Variants in GLI3 observed in about 807,000 individuals in gnomAD.
GLI3 encodes transcription activator GLI3.
Under a neutral mutation model 100.8 loss-of-function variants are expected in GLI3, and 20 were observed. That is an observed-to-expected ratio of 0.20 (90% confidence interval 0.14 to 0.29). The LOEUF is 0.29. GLI3 is among the 10% of genes least tolerant of loss of function. The pLI is 1.00. For synonymous variants in GLI3, 938 were observed against 860.5 expected (o/e 1.09, Z -1.58); for missense variants, 2,040 against 2,128.5 (o/e 0.96, Z 0.82).
intron 10 of GLI3, among the ~76,000 whole-genome samples, chr7:41,983,907 T>G (rs1008766580): frequency 6.6e-6 from 1 of 152,122 alleles, no homozygotes; most frequent in Non-Finnish European, 1.5e-5. Context: ...CATGAGCCCA[T>G]AGCAAACCAA....
chr7:42,007,316 T>C (rs890770182), intron 10 of GLI3, among the ~76,000 whole-genome samples: 1 of 151,746 alleles, frequency 6.6e-6, no homozygotes, highest in African/African-American at 2.4e-5. Context: ...TCAGCCAAGT[T>C]AAAAGTTCTT....
chr7:41,968,705 GAAAGAAAGAAGAAAGAAAGA>G (rs1562661674), intron 13 of GLI3, among the ~76,000 whole-genome samples: 6 of 106,210 alleles, frequency 5.6e-5, no homozygotes, highest in African/African-American at 4.2e-5. Flanking sequence ...AAGAAAGAAA[GAAAGAAAGAAGAAAGAAAGA>G]AAGAAAGAAA....
intron 12 of GLI3, among the ~76,000 whole-genome samples, chr7:41,976,682 A>G (rs138967985): frequency 7.2e-5 from 11 of 152,254 alleles, no homozygotes; most frequent in African/African-American, 2.6e-4. Context: ...GTGCTGAACT[A>G]TGTCTCATGT....
At chr7:42,257,409 G>A (rs1000442318) in intron 1 of GLI3, among the ~76,000 whole-genome samples, 3 of 147,500 alleles carry the variant, frequency 2.0e-5, no homozygotes, top group Non-Finnish European at 4.5e-5. Context: ...AGGCTGGAGT[G>A]CAGTGGCTCA....
intron 2 of GLI3, among the ~76,000 whole-genome samples, chr7:42,159,826 A>G (rs546369243): frequency 1.3e-5 from 2 of 152,364 alleles, no homozygotes; most frequent in East Asian, 3.9e-4. Flanking sequence ...TTTTGAAAGC[A>G]AAAATTCTCA....
intron 7 of GLI3, among the ~76,000 whole-genome samples, chr7:42,031,956 A>G (rs1191193610): frequency 2.0e-5 from 3 of 152,342 alleles, no homozygotes; most frequent in East Asian, 3.9e-4. Context: ...GAAATCAGAC[A>G]TATAAAGTTT....
At chr7:42,168,384 G>A (rs1787286661) in intron 2 of GLI3, among the ~76,000 whole-genome samples, 1 of 152,080 alleles carries the variant, frequency 6.6e-6, no homozygotes, top group Non-Finnish European at 1.5e-5. Flanking sequence ...AACACCAGGG[G>A]CACCAAAAAA....
intron 6 of GLI3, among the ~76,000 whole-genome samples, chr7:42,042,503 A>G (rs528179924): frequency 6.6e-6 from 1 of 152,326 alleles, no homozygotes; most frequent in East Asian, 1.9e-4. Flanking sequence ...AATCCTGGAC[A>G]ATAATTGCCC....
intron 3 of GLI3, 117 bp downstream of exon 3, chr7:42,148,109 A>T: frequency 9.2e-7 from 1 of 1,085,166 alleles, no homozygotes; most frequent in Non-Finnish European, 1.3e-6. Context: ...TTAATAAATT[A>T]TACAAGCCAA....
intron 1 of GLI3, among the ~76,000 whole-genome samples, chr7:42,254,480 C>G (rs1484640906): frequency 6.6e-6 from 1 of 152,160 alleles, no homozygotes; most frequent in Non-Finnish European, 1.5e-5. Flanking sequence ...GCTGAGAGAG[C>G]AAGTGGGAGA....
chr7:41,988,790 A>G (rs115663986), intron 10 of GLI3, among the ~76,000 whole-genome samples: 1,922 of 152,298 alleles, frequency 0.013, 38 homozygotes, highest in African/African-American at 0.045. Context: ...AGAAACTATA[A>G]AAGTGCTCCT....
At chr7:42,256,768 T>C (rs538030580) in intron 1 of GLI3, among the ~76,000 whole-genome samples, 1 of 152,290 alleles carries the variant, frequency 6.6e-6, no homozygotes, top group African/African-American at 2.4e-5. Flanking sequence ...CCCTAGATCT[T>C]TTGTTTTTCA....
chr7:41,995,055 G>A (rs1443592416), intron 10 of GLI3, among the ~76,000 whole-genome samples: 3 of 152,162 alleles, frequency 2.0e-5, no homozygotes, highest in African/African-American at 7.2e-5. Flanking sequence ...CTCAATGTTC[G>A]GCCAAATTTT....
chr7:42,020,889 C>CAAAAAAAAAAA (rs371389453), intron 10 of GLI3, among the ~76,000 whole-genome samples: 1 of 113,122 alleles, frequency 8.8e-6, no homozygotes, highest in African/African-American at 3.4e-5. Flanking sequence ...GACTCCGTCT[C>CAAAAAAAAAAA]AAAAAAAAAA....
At chr7:42,206,082 A>G (rs1291405158) in intron 2 of GLI3, among the ~76,000 whole-genome samples, 1 of 152,110 alleles carries the variant, frequency 6.6e-6, no homozygotes, top group Non-Finnish European at 1.5e-5. Flanking sequence ...AGCCTGACCA[A>G]TATGGTGAAA....
In GLI3 at chr7:41,965,694, C is replaced by A. The variant is rs370676430; in HGVS notation, c.3379G>T (p.Gly1127Cys). The change falls in exon 15 of 15, where the codon GGT becomes TGT. Residue 1127 changes from glycine (G) to cysteine (C), a missense_variant. This residue lies in a region of GLI3 where 1,041 missense variants were observed against 924.0 expected (regional missense o/e 1.13). Transcript: ENST00000395925. ...PDDSKVPHGP[G>C]DFDAPGLPDS... ...GGCAGCCCGGGCGCGTCAAAGTCACCGGGCCCGTGGGGCACTTTGCTGTCG... is the reference window on the plus strand; with the variant it reads ...GGCAGCCCGGGCGCGTCAAAGTCACAGGGCCCGTGGGGCACTTTGCTGTCG... 7 of 1,613,534 alleles carry A rather than the reference C, an allele frequency of 4.3e-6. No homozygotes were observed. The highest frequency in any genetic ancestry group is 5.9e-6 in the Non-Finnish European group (7 of 1,179,784).
At chr7:41,976,368 A>G (rs1787514017) in intron 12 of GLI3, among the ~76,000 whole-genome samples, 1 of 152,210 alleles carries the variant, frequency 6.6e-6, no homozygotes. Flanking sequence ...TACATGTGTG[A>G]GTTTATGAGT....
chr7:42,018,059 C>T (rs1788820065), intron 10 of GLI3, among the ~76,000 whole-genome samples: 1 of 152,202 alleles, frequency 6.6e-6, no homozygotes, highest in African/African-American at 2.4e-5. Flanking sequence ...AGAATCCTAG[C>T]TGGGCCTGGG....
intron 7 of GLI3, among the ~76,000 whole-genome samples, chr7:42,039,756 C>A (rs2128738482): frequency 6.6e-6 from 1 of 152,260 alleles, no homozygotes; most frequent in Non-Finnish European, 1.5e-5. Context: ...AAAGATTTGC[C>A]CTACTTACTG....
Sources: gnomAD v4.1 joint callset for allele counts (sites outside exome capture counted in the v4.1 genomes callset) on GRCh38, gnomAD v4.1.1 for gene constraint, gnomAD v4.1.1 regional missense constraint, MANE v1.5 for transcripts, NCBI Gene and HGNC (gene_info 2026-07-23, HGNC 2026-07-21) for gene names.